The following KLRG1 variants were observed in gnomAD, a reference collection of about 807,000 sequenced individuals.
KLRG1 encodes the protein killer cell lectin-like receptor subfamily G member 1.
KLRG1 carries 16 observed loss-of-function variants against 21.8 expected under a neutral mutation model. That is an observed-to-expected ratio of 0.73 (90% CI 0.50 to 1.11). The LOEUF (loss-of-function observed/expected upper bound fraction) is 1.11, where lower values mean the gene tolerates loss of function less well. Ranked by LOEUF, KLRG1 falls within the 50% of genes most tolerant of loss-of-function variation. The pLI is 0.00. For missense variants in KLRG1, 173 were observed against 218.3 expected, an observed-to-expected ratio of 0.79 and a Z score of 1.31; for synonymous variants, 69 against 75.9, an observed-to-expected ratio of 0.91 and a Z score of 0.47.
chr12:9,037,411 G>T, the KLRG1 span, among the ~76,000 whole-genome samples: 1 of 152,098 alleles, frequency 6.6e-6, no homozygotes, highest in African/African-American at 2.4e-5. Context: ...AGTTGAATTG[G>T]TTATGTATCT....
At chr12:9,080,078 G>T in the KLRG1 span, 2 of 1,546,416 alleles carry the variant, frequency 1.3e-6, no homozygotes, top group African/African-American at 2.7e-5. Context: ...GGATCCACTA[G>T]GGGCTGGAGA....
chr12:9,198,065 T>C, the KLRG1 span, among the ~76,000 whole-genome samples: 1 of 148,654 alleles, frequency 6.7e-6, no homozygotes, highest in Non-Finnish European at 1.5e-5. Flanking sequence ...TATATGTTTT[T>C]CCTTTGGCCA....
chr12:9,181,011 T>G, the KLRG1 span: 1 of 1,613,964 alleles, frequency 6.2e-7, no homozygotes, highest in Non-Finnish European at 8.5e-7. Context: ...AGCCTCAGGC[T>G]TCATGAGCAG....
the KLRG1 span, among the ~76,000 whole-genome samples, chr12:9,168,033 C>T: frequency 6.6e-6 from 1 of 152,106 alleles, no homozygotes; most frequent in African/African-American, 2.4e-5. Flanking sequence ...AATAATAAAG[C>T]TCATTTAAAG....
chr12:9,143,141 A>G, the KLRG1 span, among the ~76,000 whole-genome samples: 9 of 152,226 alleles, frequency 5.9e-5, no homozygotes, highest in Non-Finnish European at 1.3e-4. Flanking sequence ...TAAATAATAT[A>G]CCAAGTTAAA....
chr12:9,104,175 C>T, the KLRG1 span: 2 of 1,528,980 alleles, frequency 1.3e-6, no homozygotes, highest in Non-Finnish European at 1.8e-6. Context: ...ATTTTCTCAC[C>T]CTTAGGTTGC....
At chr12:8,951,468 C>T (rs749683632) in intron 1 of KLRG1, among the ~76,000 whole-genome samples, 1 of 152,206 alleles carries the variant, frequency 6.6e-6, no homozygotes, top group South Asian at 2.1e-4. Flanking sequence ...GAACCTATCT[C>T]AAAAAGATAT....
At chr12:9,146,437 G>A in the KLRG1 span, among the ~76,000 whole-genome samples, 2 of 151,990 alleles carry the variant, frequency 1.3e-5, no homozygotes, top group Non-Finnish European at 2.9e-5. Flanking sequence ...TGACTTCAGT[G>A]AGCATCTTTA....
the KLRG1 span, among the ~76,000 whole-genome samples, chr12:9,194,907 T>C: frequency 1.3e-5 from 2 of 152,212 alleles, no homozygotes; most frequent in African/African-American, 4.8e-5. Flanking sequence ...TGAACTCTAC[T>C]AGCTAAAAAA....
intron 1 of KLRG1, chr12:8,970,558 T>C (rs953110724): frequency 6.6e-6 from 1 of 152,238 alleles, no homozygotes; most frequent in Non-Finnish European, 1.5e-5. Context: ...TCATCTTTTA[T>C]TTATTTACTT....
chr12:9,165,057 C>A, the KLRG1 span: 1 of 1,489,636 alleles, frequency 6.7e-7, no homozygotes, highest in Non-Finnish European at 9.3e-7. Context: ...TATCCTTAGT[C>A]TCAGGAACAG....
At chr12:9,074,830 T>G in the KLRG1 span, 5 of 1,538,782 alleles carry the variant, frequency 3.2e-6, no homozygotes, top group South Asian at 6.0e-5. Flanking sequence ...ATATTTATAT[T>G]TAATTCAAGG....
At chr12:9,012,896 C>T (rs926416160), downstream of KLRG1, among the ~76,000 whole-genome samples, 10 of 152,064 alleles carry the variant, frequency 6.6e-5, no homozygotes, top group African/African-American at 1.4e-4. Context: ...AAGCCTTGGG[C>T]GAGACCCAGT....
chr12:9,016,688 C>T, the KLRG1 span, among the ~76,000 whole-genome samples: 1 of 152,194 alleles, frequency 6.6e-6, no homozygotes, highest in African/African-American at 2.4e-5. Context: ...TCTCGGCCCA[C>T]TACAACCTCT....
At chr12:9,180,867 T>C in the KLRG1 span, 2 of 1,154,006 alleles carry the variant, frequency 1.7e-6, no homozygotes. Context: ...ACAGGCAACC[T>C]ACAAAATGGG....
At chr12:9,190,578 A>G in the KLRG1 span, among the ~76,000 whole-genome samples, 33 of 152,152 alleles carry the variant, frequency 2.2e-4, no homozygotes, top group Non-Finnish European at 4.1e-4. Flanking sequence ...AGGATCAGAA[A>G]AAATAATTAT....
chr12:9,169,569 T>G, the KLRG1 span: 1 of 1,612,582 alleles, frequency 6.2e-7, no homozygotes, highest in Non-Finnish European at 8.5e-7. Context: ...GGTGAGATCC[T>G]TCACAGTTAG....
chr12:9,195,611 A>ATTTTTTTTTTTTTTTTTTTTTTTTTTTTT, the KLRG1 span, among the ~76,000 whole-genome samples: 1 of 104,248 alleles, frequency 9.6e-6, no homozygotes, highest in Non-Finnish European at 1.9e-5. Flanking sequence ...CCCACTGCTA[A>ATTTTTTTTTTTTTTTTTTTTTTTTTTTTT]TTTTTTTTTT....
At chr12:9,213,983 C>T in the KLRG1 span, among the ~76,000 whole-genome samples, 16 of 152,050 alleles carry the variant, frequency 1.1e-4, 1 homozygote, top group African/African-American at 3.6e-4. Flanking sequence ...GGTTTGTAAT[C>T]GATTTGAGTT....
Sources: gnomAD v4.1 joint callset for allele counts (sites outside exome capture counted in the v4.1 genomes callset) on GRCh38, gnomAD v4.1.1 for gene constraint, MANE v1.5 for transcripts, NCBI Gene and HGNC (gene_info 2026-07-23, HGNC 2026-07-21) for gene names.